TLN2: variants seen among roughly 807,000 people sequenced by gnomAD.
The protein encoded by TLN2 is talin 2.
Under a neutral mutation model 294.7 loss-of-function variants are expected in TLN2, and 118 were observed. That is an observed-to-expected ratio of 0.40 (90% CI 0.34 to 0.47). The LOEUF (loss-of-function observed/expected upper bound fraction) is 0.47. Ranked by LOEUF, TLN2 falls within the 20% of genes least tolerant of loss-of-function variation. TLN2 has a pLI of 0.84. For synonymous variants in TLN2, 1,431 were observed against 1,304.5 expected, an observed-to-expected ratio of 1.10 and a Z score of -2.09; for missense variants, 3,083 against 3,282.2, an observed-to-expected ratio of 0.94 and a Z score of 1.48.
chr15:62,535,708 G>A (rs559207647), intron 1 of TLN2, among the ~76,000 whole-genome samples: 35 of 151,964 alleles, frequency 2.3e-4, no homozygotes, highest in Non-Finnish European at 4.1e-4. Context: ...GGTGCCTGCC[G>A]CCACGCCCGG....
intron 1 of TLN2, among the ~76,000 whole-genome samples, chr15:62,411,429 A>ATATG (rs763302513): frequency 7.3e-6 from 1 of 136,598 alleles, no homozygotes; most frequent in African/African-American, 2.8e-5. Context: ...TGAGTAATGG[A>ATATG]TGTGTGTGTG....
At chr15:62,787,264 T>A (rs1406823622) in intron 45 of TLN2, among the ~76,000 whole-genome samples, 1 of 152,236 alleles carries the variant, frequency 6.6e-6, no homozygotes, top group Non-Finnish European at 1.5e-5. Context: ...TTTCACAAGC[T>A]GTCCCAAGCA....
intron 28 of TLN2, among the ~76,000 whole-genome samples, chr15:62,730,135 TCTCCTGCCTCAGC>T (rs202147688): frequency 0.073 from 10,966 of 149,492 alleles, 536 homozygotes; most frequent in South Asian, 0.11. Context: ...TTCAAGCAAT[TCTCCTGCCTCAGC>T]CTCCTGCCTC....
intron 3 of TLN2, among the ~76,000 whole-genome samples, chr15:62,628,618 G>A (rs1045060925): frequency 6.6e-6 from 1 of 152,222 alleles, no homozygotes; most frequent in Non-Finnish European, 1.5e-5. Flanking sequence ...AGGATTAGAA[G>A]AAGGGGTGAG....
At chr15:62,569,465 G>A (rs2043682383) in intron 1 of TLN2, among the ~76,000 whole-genome samples, 1 of 152,174 alleles carries the variant, frequency 6.6e-6, no homozygotes, top group African/African-American at 2.4e-5. Context: ...AGTTCCCCGC[G>A]GGAGGCAGGG....
At chr15:62,480,025 A>G (rs1367684632) in intron 1 of TLN2, among the ~76,000 whole-genome samples, 3 of 152,206 alleles carry the variant, frequency 2.0e-5, no homozygotes, top group Non-Finnish European at 4.4e-5. Flanking sequence ...GTCTCCTGTC[A>G]TTGCAAGCCT....
intron 23 of TLN2, among the ~76,000 whole-genome samples, chr15:62,717,301 T>G (rs2059841151): frequency 6.6e-6 from 1 of 152,184 alleles, no homozygotes; most frequent in Non-Finnish European, 1.5e-5. Flanking sequence ...ATTATGATCT[T>G]GGAATCATCC....
At chr15:62,650,228 G>A in intron 5 of TLN2, 47 bp downstream of exon 5, 10 of 1,593,274 alleles carry the variant, frequency 6.3e-6, no homozygotes, top group South Asian at 1.1e-5. Flanking sequence ...TTGTCCCTGG[G>A]CCTTCTTCCA....
At chr15:62,807,302 T>C (rs372425139) in intron 51 of TLN2, among the ~76,000 whole-genome samples, 38 of 152,348 alleles carry the variant, frequency 2.5e-4, no homozygotes, top group African/African-American at 8.9e-4. Context: ...AGCTGTCATA[T>C]ATATTCTCTC....
chr15:62,482,925 C>A (rs1344035109), intron 1 of TLN2, among the ~76,000 whole-genome samples: 2 of 152,144 alleles, frequency 1.3e-5, no homozygotes, highest in Non-Finnish European at 2.9e-5. Flanking sequence ...CTTGTTGTAT[C>A]CACAGTGCTT....
At position 62,428,655 on chromosome 15, in the gene TLN2, T is replaced by C. The variant is rs540328246; in HGVS notation, c.-238+37970T>C. 5.9e-5 allele frequency among the ~76,000 whole-genome samples: 9 copies of C among 152,334 alleles called. No individual in the cohort carries two copies. In the South Asian group the frequency reaches 1.9e-3, roughly 32 times the overall value. On this transcript the variant is annotated intron_variant, in intron 1 of 58. Coordinates refer to ENST00000636159, the MANE Select transcript of TLN2 (RefSeq NM_015059.3). ...CCACAACTGAATGTGGTAAATGCTTTTGAGAAGAGGAAAAGCTCTTTTTAT... is the reference window on the plus strand; with the variant it reads ...CCACAACTGAATGTGGTAAATGCTTCTGAGAAGAGGAAAAGCTCTTTTTAT...
intron 1 of TLN2, among the ~76,000 whole-genome samples, chr15:62,464,453 T>G (rs1026794255): frequency 6.6e-6 from 1 of 151,944 alleles, no homozygotes; most frequent in Non-Finnish European, 1.5e-5. Flanking sequence ...GGGATAGCAT[T>G]AGGAGAAATA....
intron 3 of TLN2, among the ~76,000 whole-genome samples, chr15:62,632,934 A>G (rs1355085091): frequency 5.7e-5 from 1 of 17,476 alleles, no homozygotes; most frequent in Admixed American, 6.4e-4. Context: ...TTGCTGTTGA[A>G]TTTATTTATT....
At chr15:62,470,404 C>T (rs999636294) in intron 1 of TLN2, among the ~76,000 whole-genome samples, 4 of 152,214 alleles carry the variant, frequency 2.6e-5, no homozygotes, top group Non-Finnish European at 4.4e-5. Context: ...TGGCGAGTTC[C>T]CTTAAGTCAA....
At chr15:62,791,226 C>T (rs1043797851) in intron 45 of TLN2, among the ~76,000 whole-genome samples, 2 of 151,852 alleles carry the variant, frequency 1.3e-5, no homozygotes, top group African/African-American at 4.8e-5. Flanking sequence ...GTTGTGGTGG[C>T]CACCTGTAAT....
At chr15:62,793,474 C>G (rs909887695) in intron 46 of TLN2, among the ~76,000 whole-genome samples, 4 of 152,204 alleles carry the variant, frequency 2.6e-5, no homozygotes, top group South Asian at 2.1e-4. Flanking sequence ...ACTGATAGAA[C>G]TGCAAAGATT....
intron 1 of TLN2, among the ~76,000 whole-genome samples, chr15:62,517,318 A>G (rs1210768464): frequency 6.6e-6 from 1 of 152,196 alleles, no homozygotes; most frequent in East Asian, 1.9e-4. Context: ...TTAGTAGAAA[A>G]TCACAGTAAA....
rs373085703 is a variant in TLN2 at position 62,776,721 on chromosome 15, G to A, written c.5368-43G>A. 27 of 1,417,228 alleles carry A rather than the reference G, an allele frequency of 1.9e-5. No individual in the cohort carries two copies. The African/African-American group carries it at 2.0e-4, about 11-fold the overall frequency. 87.8% of individuals were successfully genotyped at this position (1,417,228 alleles called of 1,614,324 possible). ...GGTTATTCTTAGAAGACTGAGCACCGCTCTCTTCTGCTTAAGGAAATGTTT... is the reference window on the plus strand; with the variant it reads ...GGTTATTCTTAGAAGACTGAGCACCACTCTCTTCTGCTTAAGGAAATGTTT... On this transcript the variant is annotated intron_variant, in intron 42 of 58. Coordinates refer to ENST00000636159, the MANE Select transcript of TLN2 (RefSeq NM_015059.3).
At chr15:62,408,336 C>T (rs1001828393) in intron 1 of TLN2, among the ~76,000 whole-genome samples, 2 of 152,158 alleles carry the variant, frequency 1.3e-5, no homozygotes, top group African/African-American at 4.8e-5. Flanking sequence ...AGAAGAAACA[C>T]CTGAATAAAT....
Sources: gnomAD v4.1 joint callset for allele counts (sites outside exome capture counted in the v4.1 genomes callset) on GRCh38, gnomAD v4.1.1 for gene constraint, MANE v1.5 for transcripts, NCBI Gene and HGNC (gene_info 2026-07-23, HGNC 2026-07-21) for gene names.